The following ZFHX3 variants were observed in gnomAD, a reference collection of about 807,000 sequenced individuals.
The protein encoded by ZFHX3 is zinc finger homeobox 3.
In ZFHX3, 42 loss-of-function variants were observed where a neutral mutation model predicts 279.1. The observed-to-expected ratio is 0.15, with a 90% CI of 0.12 to 0.19. The LOEUF (loss-of-function observed/expected upper bound fraction) is 0.19. ZFHX3 is among the 10% of genes least tolerant of loss of function. The pLI is 1.00. For missense variants in ZFHX3, 4,981 were observed against 4,754.0 expected (o/e 1.05, Z -1.40); for synonymous variants, 2,293 against 1,957.8 (o/e 1.17, Z -4.52).
intron 1 of ZFHX3, among the ~76,000 whole-genome samples, chr16:72,995,696 C>A (rs752342941): frequency 2.6e-5 from 4 of 152,184 alleles, no homozygotes; most frequent in African/African-American, 4.8e-5. Context: ...AAACCCCGCG[C>A]TGGGTCCTGC....
At chr16:73,562,355 G>T (rs2020382698) in intron 2 of ZFHX3, among the ~76,000 whole-genome samples, 1 of 152,110 alleles carries the variant, frequency 6.6e-6, no homozygotes, top group Non-Finnish European at 1.5e-5. Flanking sequence ...CAGCACTTTG[G>T]GAGGCCAAGG....
intron 2 of ZFHX3, among the ~76,000 whole-genome samples, chr16:73,548,613 A>T (rs2020159217): frequency 6.7e-6 from 1 of 150,114 alleles, no homozygotes; most frequent in Admixed American, 6.6e-5. Flanking sequence ...AAATATGTAC[A>T]TTTTTTTAAA....
rs1555515288 is a variant in ZFHX3, at chr16:72,787,695, G to A, written c.10581C>T (p.Gly3527=). Residue 3527 remains glycine (G), a synonymous_variant, in exon 10 of 10, where the codon GGC becomes GGT. Transcript: ENST00000268489. ...GGGGGGGGGG[G]SYHCLACESA... is the part of the protein sequence containing the mutation. ...TCTCGCACGCCAGGCAGTGGTACGA[G>A]CCGCCGCCGCCGCCGCCGCCGCCAC... The A allele has an allele frequency of 2.4e-6, 3 of 1,227,760 alleles. No individual in the cohort carries two copies. Among genetic ancestry groups the A allele is most frequent in the East Asian group, 3.6e-5 (1 of 27,718 alleles). The allele number at this position is 1,227,760 out of a possible 1,614,324, so 76.1% of individuals were successfully genotyped here. A position where few individuals can be genotyped will look rare whatever the true frequency, so the allele number is the denominator to read the frequency against.
chr16:72,896,981 A>T (rs1273363134), intron 3 of ZFHX3, among the ~76,000 whole-genome samples: 1 of 152,276 alleles, frequency 6.6e-6, no homozygotes, highest in Non-Finnish European at 1.5e-5. Flanking sequence ...ACACAGGCAC[A>T]CACGGCAACT....
chr16:73,401,385 C>G (rs1055352241), intron 3 of ZFHX3: 2 of 150,890 alleles, frequency 1.3e-5, no homozygotes, highest in East Asian at 3.9e-4. Flanking sequence ...CACACACACA[C>G]ACACACACAC....
intron 1 of ZFHX3, among the ~76,000 whole-genome samples, chr16:73,000,090 A>G (rs1350649124): frequency 6.6e-6 from 1 of 152,200 alleles, no homozygotes; most frequent in Non-Finnish European, 1.5e-5. Flanking sequence ...GAACCTAGAA[A>G]TGCAGAGAGC....
At chr16:72,890,107 GTTTGGC>G (rs781745714) in intron 3 of ZFHX3, 145 bp from the exon 4 acceptor site, 310 of 708,720 alleles carry the variant, frequency 4.4e-4, no homozygotes, top group Non-Finnish European at 6.4e-4. Context: ...CTTTGATATG[GTTTGGC>G]TGTGTCCCCG....
intron 1 of ZFHX3, among the ~76,000 whole-genome samples, chr16:73,028,351 C>T (rs1408762413): frequency 1.3e-5 from 2 of 152,138 alleles, no homozygotes; most frequent in Non-Finnish European, 2.9e-5. Flanking sequence ...GACAGTTGTT[C>T]GGGAGAAGTC....
intron 4 of ZFHX3, among the ~76,000 whole-genome samples, chr16:73,308,515 TC>T (rs2015247210): frequency 6.6e-6 from 1 of 151,838 alleles, no homozygotes; most frequent in Non-Finnish European, 1.5e-5. Flanking sequence ...GGTCTCGAAC[TC>T]CTGACCAGGT....
At chr16:73,672,245 G>A (rs1157297343) in intron 2 of ZFHX3, among the ~76,000 whole-genome samples, 1 of 152,004 alleles carries the variant, frequency 6.6e-6, no homozygotes. Context: ...CAACAACCAG[G>A]AAAAGAGAAA....
intron 4 of ZFHX3, among the ~76,000 whole-genome samples, chr16:72,860,627 A>C (rs1290865189): frequency 6.6e-6 from 1 of 152,066 alleles, no homozygotes; most frequent in Non-Finnish European, 1.5e-5. Context: ...ATAGGGTTTC[A>C]CCATGTTGGT....
intron 2 of ZFHX3, among the ~76,000 whole-genome samples, chr16:73,670,368 C>T (rs977577726): frequency 6.6e-5 from 10 of 152,248 alleles, no homozygotes; most frequent in South Asian, 2.1e-4. Flanking sequence ...TTATAAAAGA[C>T]GAAATGGCTC....
At chr16:73,572,127 T>A in intron 2 of ZFHX3, among the ~76,000 whole-genome samples, 1 of 138,530 alleles carries the variant, frequency 7.2e-6, no homozygotes, top group Non-Finnish European at 1.6e-5. Context: ...AAAAGAAAAG[T>A]CAACCGAAAG....
chr16:73,120,305 G>A (rs966940995), intron 7 of ZFHX3, among the ~76,000 whole-genome samples: 4 of 152,092 alleles, frequency 2.6e-5, no homozygotes, highest in African/African-American at 9.6e-5. Flanking sequence ...CTGTCACCCC[G>A]GCTGGAGTGC....
At chr16:73,569,749 G>T (rs2051715444) in intron 2 of ZFHX3, among the ~76,000 whole-genome samples, 1 of 152,220 alleles carries the variant, frequency 6.6e-6, no homozygotes, top group Non-Finnish European at 1.5e-5. Flanking sequence ...AAACCTGGAT[G>T]CACAAACATG....
chr16:72,933,823 T>A (rs1041593784), intron 3 of ZFHX3, among the ~76,000 whole-genome samples: 1 of 141,906 alleles, frequency 7.0e-6, no homozygotes, highest in African/African-American at 2.6e-5. Flanking sequence ...CTTTTTTTTT[T>A]TTTTTTTTTT....
At chr16:73,740,744 C>A (rs2053649583) in intron 1 of ZFHX3, among the ~76,000 whole-genome samples, 2 of 152,112 alleles carry the variant, frequency 1.3e-5, no homozygotes. Flanking sequence ...AGGCAAAGAC[C>A]TGCCAAGCCC....
intron 1 of ZFHX3, among the ~76,000 whole-genome samples, chr16:73,802,274 A>C (rs1434655819): frequency 1.3e-5 from 2 of 152,192 alleles, no homozygotes; most frequent in Non-Finnish European, 2.9e-5. Flanking sequence ...GGAGGGACCA[A>C]GAGGTGACAA....
chr16:73,851,202 A>G (rs567402379), intron 1 of ZFHX3, among the ~76,000 whole-genome samples: 1 of 152,278 alleles, frequency 6.6e-6, no homozygotes, highest in East Asian at 1.9e-4. Flanking sequence ...TCGCTACAAC[A>G]TGGTACCTAG....
Sources: allele counts gnomAD v4.1 joint callset (sites outside exome capture counted in the v4.1 genomes callset), GRCh38; gene constraint gnomAD v4.1.1; transcripts MANE v1.5; gene names NCBI Gene and HGNC (gene_info 2026-07-23, HGNC 2026-07-21).